TTLL7: variants seen among roughly 807,000 people sequenced by gnomAD.
TTLL7 encodes the protein tubulin polyglutamylase TTLL7.
A neutral mutation model predicts 120.2 loss-of-function variants in TTLL7; 53 were observed. The observed-to-expected ratio is 0.44, with a 90% CI of 0.35 to 0.55. The LOEUF (loss-of-function observed/expected upper bound fraction) is 0.55. TTLL7 is among the 20% of genes least tolerant of loss of function. TTLL7 has a pLI of 0.00. For synonymous variants in TTLL7, 353 were observed against 351.7 expected, an observed-to-expected ratio of 1.00 and a Z score of -0.04; for missense variants, 803 against 1,054.7, an observed-to-expected ratio of 0.76 and a Z score of 3.31.
At chr1:83,963,507 G>T (rs1350293774) in intron 1 of TTLL7, among the ~76,000 whole-genome samples, 1 of 151,670 alleles carries the variant, frequency 6.6e-6, no homozygotes, top group Non-Finnish European at 1.5e-5. Context: ...CTTAAACCAG[G>T]TTCCTATCCA....
chr1:83,984,947 C>A (rs1405533953), intron 1 of TTLL7, among the ~76,000 whole-genome samples: 2 of 151,606 alleles, frequency 1.3e-5, no homozygotes, highest in East Asian at 3.9e-4. Context: ...AAAATAAAGT[C>A]TTCTAAAAGA....
At chr1:83,945,671 TG>T (rs1465423970) in intron 6 of TTLL7, among the ~76,000 whole-genome samples, 2 of 152,176 alleles carry the variant, frequency 1.3e-5, no homozygotes, top group African/African-American at 4.8e-5. Flanking sequence ...TTCAGTTATC[TG>T]CTTTTCCAGC....
At chr1:83,981,756 C>T (rs767988900) in intron 1 of TTLL7, among the ~76,000 whole-genome samples, 10 of 150,514 alleles carry the variant, frequency 6.6e-5, no homozygotes, top group African/African-American at 9.8e-5. Context: ...GGTGTGAACC[C>T]GGGGGCGGAG....
At position 83,933,668 on chromosome 1, in the gene TTLL7, G is replaced by A; in HGVS notation, c.987C>T (p.Cys329=). 1.2e-6 allele frequency: 2 copies of A among 1,613,764 alleles called. No homozygotes were observed. Among genetic ancestry groups the A allele is most frequent in the South Asian group, 2.2e-5 (2 of 91,058 alleles). ...AAATATCAAATCCCAGGACTTCAAA[G>A]CAGACACTTTCGCTTCCTGGAGGTT... ...PGQPPGSESV[C]FEVLGFDILL... Residue 329 remains cysteine, a synonymous_variant, in exon 9 of 21, where the codon TGC becomes TGT. Transcript: ENST00000260505.
chr1:83,935,779 TG>T (rs1412280983), intron 8 of TTLL7, among the ~76,000 whole-genome samples: 1 of 152,144 alleles, frequency 6.6e-6, no homozygotes. Flanking sequence ...ACTGCATAAT[TG>T]CTTTCTCCAC....
intron 1 of TTLL7, among the ~76,000 whole-genome samples, chr1:83,995,034 C>A (rs1364567736): frequency 6.6e-6 from 1 of 152,146 alleles, no homozygotes; most frequent in Non-Finnish European, 1.5e-5. Context: ...TACTCACTCT[C>A]ACCAAGCCTG....
rs565672523 is a variant in TTLL7 at position 83,942,524 on chromosome 1, T to C, written c.662A>G (p.Tyr221Cys). ...TSCDPLKIFLYHDGLVRMGTE... is the reference protein window; with the variant it reads ...TSCDPLKIFLCHDGLVRMGTE... ...ACCCATTCGCACAAGCCCATCATGGTAGAGAAATATTTTTAGTGGATCACA... is the reference window on the plus strand; with the variant it reads ...ACCCATTCGCACAAGCCCATCATGGCAGAGAAATATTTTTAGTGGATCACA... The change falls in exon 7 of 21, where the codon TAC becomes TGC. Residue 221 changes from tyrosine to cysteine, a missense_variant. By Grantham distance (194) the Tyr-to-Cys change is radical. Transcript: ENST00000260505. The C allele has an allele frequency of 2.5e-6, 4 of 1,614,040 alleles. No homozygotes were observed. The highest frequency in any genetic ancestry group is 2.2e-5 in the South Asian group (2 of 91,078).
intron 18 of TTLL7, among the ~76,000 whole-genome samples, chr1:83,903,872 C>G (rs1161834313): frequency 1.3e-5 from 2 of 151,944 alleles, no homozygotes; most frequent in Non-Finnish European, 2.9e-5. Flanking sequence ...AATGTAAGTT[C>G]TATGAAAGCA....
intron 10 of TTLL7, among the ~76,000 whole-genome samples, chr1:83,928,893 A>C (rs891068675): frequency 4.0e-5 from 6 of 151,852 alleles, no homozygotes; most frequent in South Asian, 4.2e-4. Context: ...AGTATACAGG[A>C]GTAGGGGGGA....
intron 10 of TTLL7, among the ~76,000 whole-genome samples, chr1:83,925,667 C>T (rs971407889): frequency 5.9e-5 from 9 of 152,138 alleles, no homozygotes; most frequent in African/African-American, 1.9e-4. Flanking sequence ...TCATGTGAAT[C>T]GTTTTGCCAT....
intron 15 of TTLL7, among the ~76,000 whole-genome samples, chr1:83,909,300 C>CTAG (rs1372975511): frequency 1.8e-5 from 2 of 108,900 alleles, no homozygotes; most frequent in Non-Finnish European, 3.6e-5. Context: ...CCTACACATG[C>CTAG]TAGAAATTCA....
At chr1:83,919,678 T>C (rs369437668) in intron 13 of TTLL7, 21 bp downstream of exon 13, 32 of 1,599,626 alleles carry the variant, frequency 2.0e-5, no homozygotes, top group African/African-American at 5.4e-5. Context: ...TTTTTCTCTA[T>C]ATAAACATTC....
chr1:83,904,747 C>T (rs1657038812), intron 17 of TTLL7, among the ~76,000 whole-genome samples: 1 of 152,096 alleles, frequency 6.6e-6, no homozygotes, highest in South Asian at 2.1e-4. Flanking sequence ...GCTGATTTAT[C>T]ATTCATAGTA....
intron 19 of TTLL7, among the ~76,000 whole-genome samples, chr1:83,886,558 GACT>G (rs1376028718): frequency 3.3e-5 from 5 of 151,990 alleles, no homozygotes; most frequent in Admixed American, 3.3e-4. Flanking sequence ...CCTAGAAATA[GACT>G]ACGCCTTAGA....
chr1:83,918,079 G>T (rs1455148150), intron 13 of TTLL7, among the ~76,000 whole-genome samples: 1 of 152,100 alleles, frequency 6.6e-6, no homozygotes, highest in African/African-American at 2.4e-5. Flanking sequence ...AGTGCAAAAT[G>T]ATATTAAACC....
At chr1:83,929,271 T>C in intron 9 of TTLL7, 41 bp from the exon 10 acceptor site, 1 of 1,431,262 alleles carries the variant, frequency 7.0e-7, no homozygotes, top group Non-Finnish European at 9.8e-7. Flanking sequence ...GGTAAATAAA[T>C]ATTCAATACA....
At chr1:83,922,452 A>G (rs536779549) in intron 10 of TTLL7, among the ~76,000 whole-genome samples, 1 of 152,274 alleles carries the variant, frequency 6.6e-6, no homozygotes, top group African/African-American at 2.4e-5. Flanking sequence ...CTAAACAATA[A>G]AGAGAGTTCT....
chr1:83,870,611 A>G (rs999924717), intron 20 of TTLL7, among the ~76,000 whole-genome samples: 1 of 152,286 alleles, frequency 6.6e-6, no homozygotes, highest in Non-Finnish European at 1.5e-5. Context: ...TCATGATTAC[A>G]GAATATCAAA....
chr1:83,892,805 T>TATATATGAACGCATATGTGAAC (rs1655809245), intron 18 of TTLL7, among the ~76,000 whole-genome samples: 1 of 151,754 alleles, frequency 6.6e-6, no homozygotes, highest in Non-Finnish European at 1.5e-5. Flanking sequence ...TATGTGAACA[T>TATATATGAACGCATATGTGAAC]ATATATGAAC....
Sources: gnomAD v4.1 joint callset for allele counts (sites outside exome capture counted in the v4.1 genomes callset) on GRCh38, gnomAD v4.1.1 for gene constraint, MANE v1.5 for transcripts, NCBI Gene and HGNC (gene_info 2026-07-23, HGNC 2026-07-21) for gene names.